SOX5: variants seen among roughly 807,000 people sequenced by gnomAD.
SOX5 encodes the protein SRY-box transcription factor 5.
In SOX5, 9 loss-of-function variants were observed where a neutral mutation model predicts 92.0. The observed-to-expected ratio is 0.10, with a 90% CI of 0.06 to 0.17. SOX5 has a LOEUF of 0.17. Ranked by LOEUF, SOX5 falls within the 10% of genes least tolerant of loss-of-function variation. The pLI, the probability that SOX5 is intolerant of heterozygous loss-of-function variation, is 1.00. For missense variants in SOX5, 642 were observed against 944.5 expected, an observed-to-expected ratio of 0.68 and a Z score of 4.20; for synonymous variants, 344 against 336.3, an observed-to-expected ratio of 1.02 and a Z score of -0.25.
intron 4 of SOX5, among the ~76,000 whole-genome samples, chr12:24,083,852 G>T (rs1449580733): frequency 1.3e-5 from 2 of 152,022 alleles, no homozygotes; most frequent in Non-Finnish European, 2.9e-5. Context: ...TGGAATTAGG[G>T]CAAAATAGGT....
At chr12:23,718,278 G>A (rs1458929016) in intron 6 of SOX5, among the ~76,000 whole-genome samples, 1 of 152,136 alleles carries the variant, frequency 6.6e-6, no homozygotes, top group Admixed American at 6.5e-5. Context: ...CACATTGCTT[G>A]TGCTTTCTAA....
chr12:24,012,025 C>T (rs958532400), intron 4 of SOX5, among the ~76,000 whole-genome samples: 41 of 152,130 alleles, frequency 2.7e-4, no homozygotes, highest in African/African-American at 9.4e-4. Context: ...AGTTAGAGGT[C>T]CATGCGTTCT....
chr12:24,209,960 G>A (rs1958416989), intron 4 of SOX5, among the ~76,000 whole-genome samples: 1 of 127,044 alleles, frequency 7.9e-6, no homozygotes, highest in South Asian at 2.7e-4. Flanking sequence ...GGAGCTTGCA[G>A]TGAGCCGAGA....
At chr12:24,067,807 C>A (rs930753986) in intron 4 of SOX5, among the ~76,000 whole-genome samples, 6 of 152,074 alleles carry the variant, frequency 3.9e-5, no homozygotes, top group Non-Finnish European at 7.4e-5. Flanking sequence ...GAAGGTGAAA[C>A]TAAGAGTAAA....
In SOX5 at chr12:24,502,737, C is replaced by T. The variant is rs556298082; in HGVS notation, c.-251+59592G>A. 3.9e-5 allele frequency among the ~76,000 whole-genome samples: 6 copies of T among 152,208 alleles called. No individual in the cohort carries two copies. In the South Asian group the frequency reaches 6.2e-4, roughly 16 times the overall value. On this transcript the variant is annotated intron_variant, in intron 1 of 4. Transcript: ENST00000446891. ...TCAATGGGAAAAAGCAGTAAATTTA[C>T]GGTGGGGAAATGCAGCAGATACTGC... is the stretch of plus-strand genomic sequence containing the variant.
chr12:23,899,615 T>G lies in SOX5; in HGVS notation c.39-3591A>C, dbSNP rs546879582. On this transcript the variant is annotated intron_variant, in intron 1 of 14. Coordinates refer to ENST00000451604, the MANE Select transcript of SOX5 (RefSeq NM_006940.6). ...AACTCAGACTTCAAAGAAACTGACA[T>G]AAGACAGACAAATATAATCTAATGT... Among the ~76,000 whole-genome samples, 4 of 152,272 alleles carry G rather than the reference T, an allele frequency of 2.6e-5. 1 individual carries two copies. In the South Asian group the frequency reaches 8.3e-4, roughly 32 times the overall value.
intron 2 of SOX5, among the ~76,000 whole-genome samples, chr12:23,872,939 T>G (rs2096890450): frequency 6.6e-6 from 1 of 152,174 alleles, no homozygotes; most frequent in African/African-American, 2.4e-5. Context: ...AAAGCTGGAC[T>G]AGGGAAATAA....
At chr12:24,360,843 C>T (rs1021220617) in intron 2 of SOX5, among the ~76,000 whole-genome samples, 14 of 152,156 alleles carry the variant, frequency 9.2e-5, no homozygotes, top group African/African-American at 3.1e-4. Context: ...AAACCCCTAA[C>T]TACTGATTAT....
rs573976112 is a variant in SOX5 at position 24,024,544 on chromosome 12, G to A, written c.-1-128520C>T. Among the ~76,000 whole-genome samples the A allele has an allele frequency of 2.0e-5, 3 of 152,142 alleles. No homozygotes were observed. In the South Asian group the frequency reaches 6.2e-4, roughly 32 times the overall value. On this transcript the variant is annotated intron_variant, in intron 4 of 4. Coordinates refer to the SOX5 transcript ENST00000446891. ...AACTACCAGAATTCAGAGAATACGG[G>A]AATTCTTAGGCATTTGCTCAAGATG...
chr12:24,033,443 T>TA (rs1327714247), intron 4 of SOX5, among the ~76,000 whole-genome samples: 2 of 151,928 alleles, frequency 1.3e-5, no homozygotes, highest in Non-Finnish European at 2.9e-5. Context: ...AATCCCAGCT[T>TA]AAAAAAATAA....
In SOX5 at chr12:24,076,086, G is replaced by GT. The variant is rs988869239; in HGVS notation, c.-2+137256dup. On this transcript the variant is annotated intron_variant, in intron 4 of 4. Transcript: ENST00000446891. ...AATCCAGCCTGTAGAATGAGAGAGTGTTTTTTGTCGTTGGTTTCTTTCTCC... is the reference window on the plus strand; with the variant it reads ...AATCCAGCCTGTAGAATGAGAGAGTGTTTTTTTGTCGTTGGTTTCTTTCTCC... 4.6e-5 allele frequency among the ~76,000 whole-genome samples: 7 copies of GT among 152,242 alleles called. No individual in the cohort carries two copies. The East Asian group carries it at 7.7e-4, about 17-fold the overall frequency.
At chr12:23,996,055 T>C (rs189535397) in intron 4 of SOX5, among the ~76,000 whole-genome samples, 2 of 152,310 alleles carry the variant, frequency 1.3e-5, no homozygotes, top group Admixed American at 6.5e-5. Context: ...AGGACTGCAT[T>C]ATCAGCTGTG....
At chr12:23,998,794 A>G (rs1951288458) in intron 4 of SOX5, among the ~76,000 whole-genome samples, 1 of 114,864 alleles carries the variant, frequency 8.7e-6, no homozygotes, top group East Asian at 2.8e-4. Flanking sequence ...AGGTGGTGAG[A>G]CTCAGTCTCA....
chr12:24,110,227 CT>C (rs767384035), intron 4 of SOX5, among the ~76,000 whole-genome samples: 19 of 152,258 alleles, frequency 1.2e-4, no homozygotes, highest in Admixed American at 7.8e-4. Flanking sequence ...ACCAATAAAG[CT>C]TTCAAAACTT....
At chr12:23,660,781 T>C (rs1360187734) in intron 7 of SOX5, among the ~76,000 whole-genome samples, 3 of 152,144 alleles carry the variant, frequency 2.0e-5, no homozygotes, top group Admixed American at 6.5e-5. Context: ...TAAGGCACCA[T>C]TGATGGTTCA....
chr12:23,796,895 TTATATATATATTTA>T (rs1304130877), intron 3 of SOX5, among the ~76,000 whole-genome samples: 2 of 130,628 alleles, frequency 1.5e-5, no homozygotes, highest in Non-Finnish European at 3.2e-5. Context: ...ATATAAATAT[TTATATATATATTTA>T]TATATATATA....
intron 1 of SOX5, among the ~76,000 whole-genome samples, chr12:24,515,763 C>T (rs1002647455): frequency 1.2e-4 from 18 of 152,104 alleles, no homozygotes; most frequent in Non-Finnish European, 1.9e-4. Flanking sequence ...TACATTTCCC[C>T]GATTTTTCTC....
chr12:24,276,682 T>C (rs991374818), intron 3 of SOX5, among the ~76,000 whole-genome samples: 4 of 152,164 alleles, frequency 2.6e-5, no homozygotes, highest in African/African-American at 7.2e-5. Context: ...AGGGATTTCA[T>C]GCACACACAG....
chr12:24,183,006 G>A (rs544724219), intron 4 of SOX5, among the ~76,000 whole-genome samples: 35 of 152,174 alleles, frequency 2.3e-4, no homozygotes, highest in South Asian at 6.2e-4. Flanking sequence ...GAGCCACCAC[G>A]GCTGGCCCAA....
Sources: gnomAD v4.1 joint callset for allele counts (sites outside exome capture counted in the v4.1 genomes callset) on GRCh38, gnomAD v4.1.1 for gene constraint, MANE v1.5 for transcripts, NCBI Gene and HGNC (gene_info 2026-07-23, HGNC 2026-07-21) for gene names.